The following ZNF236 variants were observed in gnomAD, a reference collection of about 807,000 sequenced individuals.
ZNF236 encodes the protein regulated by glucose.
In ZNF236, 50 loss-of-function variants were observed where a neutral mutation model predicts 191.2. The ratio of observed to expected loss-of-function variants is 0.26; its 90% CI spans 0.21 to 0.33. The LOEUF (loss-of-function observed/expected upper bound fraction) is 0.33. Among genes scored for constraint, ZNF236 ranks in the 10% least tolerant of loss-of-function variants. ZNF236 has a pLI of 1.00. For missense variants in ZNF236, 1,754 were observed against 2,374.5 expected (o/e 0.74, Z 5.43); for synonymous variants, 907 against 928.8 (o/e 0.98, Z 0.43).
intron 25 of ZNF236, among the ~76,000 whole-genome samples, chr18:76,933,619 C>T (rs980564452): frequency 2.6e-4 from 39 of 151,032 alleles, no homozygotes; most frequent in African/African-American, 8.3e-4. Flanking sequence ...AAAAGATGAA[C>T]GCATAATTAA....
chr18:76,955,891 G>A, intron 27 of ZNF236, 94 bp from the exon 28 acceptor site: 3 of 1,391,262 alleles, frequency 2.2e-6, no homozygotes, highest in Non-Finnish European at 3.0e-6. Context: ...TCCGTGCTAG[G>A]AATGTCCCTC....
intron 3 of ZNF236, among the ~76,000 whole-genome samples, chr18:76,862,852 A>G (rs1976283959): frequency 6.6e-6 from 1 of 152,238 alleles, no homozygotes; most frequent in South Asian, 2.1e-4. Flanking sequence ...TCTAGGACAC[A>G]GACACGAGCC....
At chr18:76,911,030 C>T (rs1967204461) in intron 16 of ZNF236, among the ~76,000 whole-genome samples, 1 of 152,150 alleles carries the variant, frequency 6.6e-6, no homozygotes, top group African/African-American at 2.4e-5. Flanking sequence ...GGTTTCACTG[C>T]CATGGTGTGG....
Position 76,860,505 on chromosome 18 carries a change from A to T in ZNF236, c.364-8180A>T, listed in dbSNP as rs934136099. ...CCCTTCGTCCTGTTTTCTCTTCCAC[A>T]GATGGGCCAGGTTCTTTCCAGATCA... On this transcript the variant is annotated intron_variant, in intron 3 of 30. Coordinates refer to ENST00000320610, the MANE Select transcript of ZNF236 (RefSeq NM_001306089.2). Among the ~76,000 whole-genome samples, 26 of 152,198 alleles carry T rather than the reference A, an allele frequency of 1.7e-4. 1 individual carries two copies. The highest frequency in any genetic ancestry group is 6.0e-4 in the African/African-American group (25 of 41,444).
intron 10 of ZNF236, among the ~76,000 whole-genome samples, chr18:76,897,623 A>G (rs777061402): frequency 6.6e-6 from 1 of 152,040 alleles, no homozygotes; most frequent in Non-Finnish European, 1.5e-5. Flanking sequence ...CATCATGCAC[A>G]GTACCAAACA....
In ZNF236 at chr18:76,880,745, C is replaced by G. The variant is rs989193521; in HGVS notation, c.1188+429C>G. Among the ~76,000 whole-genome samples the G allele has an allele frequency of 6.6e-5, 10 of 152,104 alleles. No homozygotes were observed. The highest frequency in any genetic ancestry group is 2.2e-4 in the African/African-American group (9 of 41,416). ...CGTGGGTGTGTGGGCAGCACCTGCA[C>G]GTGTGGGAGAGGAGGGGGGCAGGAG... On this transcript the variant is annotated intron_variant, in intron 8 of 30. Coordinates refer to ENST00000320610, the MANE Select transcript of ZNF236 (RefSeq NM_001306089.2). The surrounding 1 kb of genome is among the most constrained non-coding windows in gnomAD (Gnocchi z 5.0).
At position 76,919,651 on chromosome 18, in the gene ZNF236, A is replaced by G. The variant is rs1967478187; in HGVS notation, c.3275-125A>G. 2 of 1,200,638 alleles carry G rather than the reference A, an allele frequency of 1.7e-6. No homozygotes were observed. Among genetic ancestry groups the G allele is most frequent in the African/African-American group, 1.5e-5 (1 of 65,140 alleles). 74.4% of individuals were successfully genotyped at this position (1,200,638 alleles called of 1,614,324 possible). A position where few individuals can be genotyped will look rare whatever the true frequency, so the allele number is the denominator to read the frequency against. On this transcript the variant is annotated intron_variant, in intron 19 of 30. Transcript: ENST00000320610. This position sits in a 1 kb window ranked among gnomAD's most constrained non-coding sequence, Gnocchi z 5.3. The stretch of plus-strand genomic sequence containing the variant: ...GAAAATATAGCAACTCTCTACCATC[A>G]TAAAAATAGCTTGGTTGAGTTATTA...
rs1384783602 is a variant in ZNF236 at position 76,971,869 on chromosome 18, A to T, written c.*3530A>T. Among the ~76,000 whole-genome samples the T allele has an allele frequency of 1.3e-5, 2 of 152,260 alleles. No homozygotes were observed. The highest frequency in any genetic ancestry group is 4.8e-5 in the African/African-American group (2 of 41,474). On this transcript the variant is annotated 3_prime_UTR_variant, in exon 31 of 31. Coordinates refer to ENST00000320610, the MANE Select transcript of ZNF236 (RefSeq NM_001306089.2). ...CTGCTTTCTAGTGTATATTAAGGCT[A>T]TCTCATGCCTGCTTCTTACATTTTT...
At position 76,879,098 on chromosome 18, in the gene ZNF236, T is replaced by C. The variant is rs9958642; in HGVS notation, c.984+946T>C. On this transcript the variant is annotated intron_variant, in intron 7 of 30. Coordinates refer to ENST00000320610, the MANE Select transcript of ZNF236 (RefSeq NM_001306089.2). Reference sequence around the variant, plus strand: ...ATTTTTTTAAATACAATTTTTAACGTTGTGTAAATCAACCGAGTATTAGTT... The same window carrying C: ...ATTTTTTTAAATACAATTTTTAACGCTGTGTAAATCAACCGAGTATTAGTT... Among the ~76,000 whole-genome samples the C allele has an allele frequency of 5.2e-3, 795 of 152,310 alleles. 7 individuals carry two copies. The highest frequency in any genetic ancestry group is 0.018 in the African/African-American group (739 of 41,572).
rs766420964 is a variant in ZNF236, at chr18:76,960,415, C to T, written c.5243-264C>T. Among the ~76,000 whole-genome samples the T allele has an allele frequency of 1.3e-5, 2 of 152,142 alleles. No individual in the cohort carries two copies. Among genetic ancestry groups the T allele is most frequent in the Non-Finnish European group, 2.9e-5 (2 of 68,034 alleles). On this transcript the variant is annotated intron_variant, in intron 29 of 30. Coordinates refer to ENST00000320610, the MANE Select transcript of ZNF236 (RefSeq NM_001306089.2). This position sits in a 1 kb window ranked among gnomAD's most constrained non-coding sequence, Gnocchi z 4.4. ...TGATCATCTGACGACTCACTGTGGG[C>T]CTGGGGTTCCACAGGCTGCATCCAC... is the stretch of plus-strand genomic sequence containing the variant.
chr18:76,834,647 A>G (rs561117273), intron 1 of ZNF236: 14 of 449,678 alleles, frequency 3.1e-5, no homozygotes, highest in Admixed American at 9.8e-5. Context: ...CACCCATTCA[A>G]TGTAGAGGAC....
intron 1 of ZNF236, among the ~76,000 whole-genome samples, chr18:76,831,802 T>A (rs570570359): frequency 1.3e-5 from 2 of 152,352 alleles, no homozygotes; most frequent in South Asian, 4.1e-4. Context: ...TAACATACGA[T>A]GTTGAGCATC....
At chr18:76,900,002 A>G (rs140757787) in intron 11 of ZNF236, among the ~76,000 whole-genome samples, 499 of 152,298 alleles carry the variant, frequency 3.3e-3, no homozygotes, top group South Asian at 4.6e-3. Flanking sequence ...ACCTCTTACT[A>G]CATGAATTTT....
At chr18:76,951,797 T>C (rs1056969965) in intron 27 of ZNF236, among the ~76,000 whole-genome samples, 2 of 152,196 alleles carry the variant, frequency 1.3e-5, no homozygotes, top group African/African-American at 2.4e-5. Flanking sequence ...CTTAATCATT[T>C]CTAGGTTTTG....
intron 30 of ZNF236, among the ~76,000 whole-genome samples, chr18:76,966,715 C>G (rs563763113): frequency 6.6e-6 from 1 of 152,190 alleles, no homozygotes; most frequent in African/African-American, 2.4e-5. Context: ...TCTCTTGATT[C>G]GCTAACGTTC....
chr18:76,930,509 C>T (rs768160754), intron 25 of ZNF236, among the ~76,000 whole-genome samples: 7 of 152,164 alleles, frequency 4.6e-5, no homozygotes, highest in Non-Finnish European at 1.0e-4. Context: ...TATATCATTA[C>T]AGTAGCTGAT....
At chr18:76,847,694 C>G (rs894100922) in intron 1 of ZNF236, among the ~76,000 whole-genome samples, 3 of 152,228 alleles carry the variant, frequency 2.0e-5, no homozygotes, top group Non-Finnish European at 4.4e-5. Flanking sequence ...TGGTCTTGAT[C>G]TCCTGACTTC....
At chr18:76,950,135 C>A (rs559617366) in intron 27 of ZNF236, among the ~76,000 whole-genome samples, 7 of 152,004 alleles carry the variant, frequency 4.6e-5, no homozygotes, top group Non-Finnish European at 8.8e-5. Context: ...TTGGGGTGGC[C>A]GTGACGATTT....
chr18:76,916,486 C>T (rs796498790), intron 19 of ZNF236, among the ~76,000 whole-genome samples: 6 of 152,300 alleles, frequency 3.9e-5, no homozygotes, highest in African/African-American at 9.6e-5. Flanking sequence ...TCATTTTGTA[C>T]GCTAGCCAGC....
Sources: allele counts gnomAD v4.1 joint callset (sites outside exome capture counted in the v4.1 genomes callset), GRCh38; gene constraint gnomAD v4.1.1; non-coding constraint Gnocchi (gnomAD v3.1); transcripts MANE v1.5; gene names NCBI Gene and HGNC (gene_info 2026-07-23, HGNC 2026-07-21).